Variants in EIF4ENIF1 observed in about 807,000 individuals in gnomAD.
The protein encoded by EIF4ENIF1 is eukaryotic translation initiation factor 4E nuclear import factor 1.
Under a neutral mutation model 110.5 loss-of-function variants are expected in EIF4ENIF1, and 23 were observed. The observed-to-expected ratio is 0.21, with a 90% CI of 0.15 to 0.29. The LOEUF (loss-of-function observed/expected upper bound fraction) is 0.29. Among genes scored for constraint, EIF4ENIF1 ranks in the 10% least tolerant of loss-of-function variants. The probability of loss-of-function intolerance (pLI) is 1.00; values close to 1 mark genes in which losing one functional copy is unlikely to be tolerated. For missense variants in EIF4ENIF1, 1,031 were observed against 1,221.1 expected, an observed-to-expected ratio of 0.84 and a Z score of 2.32; for synonymous variants, 440 against 437.0, an observed-to-expected ratio of 1.01 and a Z score of -0.09.
At position 31,468,018 on chromosome 22, in the gene EIF4ENIF1, T is replaced by C. The variant is rs540372977; in HGVS notation, c.298+157A>G. Among the ~76,000 whole-genome samples, 9 of 152,314 alleles carry C rather than the reference T, an allele frequency of 5.9e-5. No homozygotes were observed. In the East Asian group the frequency reaches 1.3e-3, roughly 23 times the overall value. ...GCTGTGACAAAGTAGACTATGACTT[T>C]ACCCTGCTGATTAGGAAAAATCCAA... On this transcript the variant is annotated intron_variant, in intron 4 of 18. Transcript: ENST00000330125.
At position 31,454,270 on chromosome 22, in the gene EIF4ENIF1, T is replaced by C; in HGVS notation, c.1386A>G (p.Leu462=). The change falls in exon 10 of 19, where the codon CTA becomes CTG. Residue 462 remains leucine (L), a synonymous_variant. Coordinates refer to ENST00000330125, the MANE Select transcript of EIF4ENIF1 (RefSeq NM_019843.4). The stretch of plus-strand genomic sequence containing the variant: ...TGGTTACGGCACTCAAGGTCTCTTC[T>C]AGGTGTTCTGCCATGAAGGGAGTTG... ...KNSTPFMAEH[L]EETLSAVTNN... is the part of the protein sequence containing the mutation. The C allele has an allele frequency of 6.2e-7, 1 of 1,614,168 alleles. No homozygotes were observed.
chr22:31,468,450 A>T (rs1005207713), intron 3 of EIF4ENIF1, 148 bp from the exon 4 acceptor site: 1 of 1,134,212 alleles, frequency 8.8e-7, no homozygotes, highest in Non-Finnish European at 1.2e-6. Flanking sequence ...GATGGAGCGC[A>T]GTGGCGTGAT....
chr22:31,447,296 G>C, intron 14 of EIF4ENIF1, 130 bp downstream of exon 14: 1 of 1,069,632 alleles, frequency 9.3e-7, no homozygotes, highest in Non-Finnish European at 1.3e-6. Flanking sequence ...GATTTGGATT[G>C]GGATGGAATT....
At chr22:31,479,315 C>A (rs1382555662) in intron 2 of EIF4ENIF1, 1 of 152,076 alleles carries the variant, frequency 6.6e-6, no homozygotes, top group Non-Finnish European at 1.5e-5. Context: ...TTTGCCTCGG[C>A]CTCCCAAAGT....
intron 1 of EIF4ENIF1, chr22:31,489,018 A>G (rs2052153552): frequency 9.9e-6 from 3 of 302,774 alleles, no homozygotes; most frequent in Admixed American, 4.8e-5. Flanking sequence ...CACAAGAGAA[A>G]CCAAGATTAG....
chr22:31,489,617 G>A (rs1601672909), intron 1 of EIF4ENIF1, 77 bp downstream of exon 1: 1 of 134,504 alleles, frequency 7.4e-6, no homozygotes. Flanking sequence ...GGAGCAATGC[G>A]CCCGCGCCCC....
chr22:31,492,736 A>T (rs569954489), upstream of EIF4ENIF1, among the ~76,000 whole-genome samples: 12 of 152,076 alleles, frequency 7.9e-5, no homozygotes, highest in South Asian at 2.3e-3. Flanking sequence ...TTTTATTTTT[A>T]TTTTTTATTT....
At chr22:31,455,759 C>A (rs768427361) in intron 8 of EIF4ENIF1, 93 bp downstream of exon 8, 1 of 1,522,580 alleles carries the variant, frequency 6.6e-7, no homozygotes, top group South Asian at 1.2e-5. Context: ...GACCCTTTGA[C>A]CCTAATTGAC....
chr22:31,466,128 T>G (rs1040257984), intron 4 of EIF4ENIF1, among the ~76,000 whole-genome samples: 3 of 151,986 alleles, frequency 2.0e-5, no homozygotes, highest in African/African-American at 7.2e-5. Flanking sequence ...ATACAAAAAT[T>G]GGGGCCAGGC....
chr22:31,486,441 G>A (rs1453437450), intron 2 of EIF4ENIF1, among the ~76,000 whole-genome samples: 2 of 151,604 alleles, frequency 1.3e-5, no homozygotes, highest in Non-Finnish European at 1.5e-5. Flanking sequence ...TCCAGCCTGG[G>A]CGACACAGTG....
intron 7 of EIF4ENIF1, among the ~76,000 whole-genome samples, chr22:31,456,362 T>A (rs908360823): frequency 4.6e-5 from 7 of 151,822 alleles, no homozygotes; most frequent in Middle Eastern, 3.2e-3. Flanking sequence ...TAGCTGGGAC[T>A]ACAGGCGCCT....
intron 4 of EIF4ENIF1, among the ~76,000 whole-genome samples, chr22:31,464,699 A>AAAAAAAATATAT (rs1304121964): frequency 5.1e-5 from 2 of 39,136 alleles, no homozygotes; most frequent in Non-Finnish European, 1.0e-4. Context: ...AAAAAAAAAA[A>AAAAAAAATATAT]ATATATATAT....
rs747984791 is a variant in EIF4ENIF1, at chr22:31,463,876, A to C, written c.390T>G (p.Ala130=). Residue 130 remains alanine, a synonymous_variant, in exon 5 of 19, where the codon GCT becomes GCG. Transcript: ENST00000330125. Reference sequence around the variant, plus strand: ...GACTTCCTGAGCGCCGGGAGCTAACAGCGGCTGTCACGTGGCAGCCCCCTC... The same window carrying C: ...GACTTCCTGAGCGCCGGGAGCTAACCGCGGCTGTCACGTGGCAGCCCCCTC... ...SFGGGCHVTA[A]VSSRRSGSPL... is the part of the protein sequence containing the mutation. The C allele has an allele frequency of 6.2e-7, 1 of 1,614,154 alleles. No individual in the cohort carries two copies.
intron 7 of EIF4ENIF1, among the ~76,000 whole-genome samples, chr22:31,456,664 G>A (rs1013997212): frequency 4.6e-5 from 7 of 152,092 alleles, no homozygotes; most frequent in Non-Finnish European, 8.8e-5. Context: ...ACAGGCATAC[G>A]CCACCATATG....
chr22:31,486,008 G>C lies in EIF4ENIF1; in HGVS notation c.96+2615C>G, dbSNP rs537237766. Among the ~76,000 whole-genome samples the C allele has an allele frequency of 1.6e-4, 24 of 150,082 alleles. 1 individual carries two copies. In the South Asian group the frequency reaches 4.9e-3, roughly 30 times the overall value. ...ACACCTATAATTCCAGCATTTTGGG[G>C]GGCCGAGGCGGGTGGATCACCTGAG... On this transcript the variant is annotated intron_variant, in intron 2 of 18. Coordinates refer to ENST00000330125, the MANE Select transcript of EIF4ENIF1 (RefSeq NM_019843.4).
Position 31,477,371 on chromosome 22 carries a change from AAAACAAAAAAAAC to A in EIF4ENIF1, c.97-5467_97-5455del, listed in dbSNP as rs1462267046. ...ACCTCTGTCTCCAAAAAAAAAAAAA[AAAACAAAAAAAAC>A]AAAAAAAGAGAATTTGAAATTGAGA... On this transcript the variant is annotated intron_variant, in intron 2 of 18. Coordinates refer to ENST00000330125, the MANE Select transcript of EIF4ENIF1 (RefSeq NM_019843.4). Among the ~76,000 whole-genome samples, 11 of 83,854 alleles carry A rather than the reference AAAACAAAAAAAAC, an allele frequency of 1.3e-4. 1 individual carries two copies. The highest frequency in any genetic ancestry group is 5.0e-4 in the African/African-American group (9 of 18,102). The allele number at this position is 83,854 out of a possible 152,430, so 55.0% of individuals were successfully genotyped here.
intron 6 of EIF4ENIF1, among the ~76,000 whole-genome samples, chr22:31,459,332 C>T (rs1299732955): frequency 6.6e-6 from 1 of 152,084 alleles, no homozygotes; most frequent in African/African-American, 2.4e-5. Context: ...TGCTTCTGCC[C>T]ATGCACCTGT....
At chr22:31,474,451 T>C (rs1398160993) in intron 2 of EIF4ENIF1, among the ~76,000 whole-genome samples, 1 of 152,084 alleles carries the variant, frequency 6.6e-6, no homozygotes, top group Non-Finnish European at 1.5e-5. Flanking sequence ...TGGGTGCCTC[T>C]TCAAACTGGC....
chr22:31,441,800 T>G lies in EIF4ENIF1; in HGVS notation c.2525A>C (p.Gln842Pro), dbSNP rs754852735. The G allele has an allele frequency of 2.5e-6, 4 of 1,612,770 alleles. No homozygotes were observed. In the East Asian group the frequency reaches 8.9e-5, roughly 36 times the overall value. ...AGTTTGGAGCAAACTTGGAAGATGC[T>G]GTGGATGTACTCCCTGGGCCAGCAT... ...QRMLAQGVHP[Q>P]HLPSLLQTGV... The change falls in exon 17 of 19, where the codon CAG becomes CCG. Residue 842 changes from glutamine (Q) to proline (P), a missense_variant. Physicochemically the swap from Gln to Pro is moderately conservative, Grantham distance 76. Around this residue, in one of 3 missense-constraint regions of EIF4ENIF1, gnomAD observed 309 missense variants for 299.1 expected, o/e 1.03. Coordinates refer to ENST00000330125, the MANE Select transcript of EIF4ENIF1 (RefSeq NM_019843.4).
Sources: allele counts gnomAD v4.1 joint callset (sites outside exome capture counted in the v4.1 genomes callset), GRCh38; gene constraint gnomAD v4.1.1; regional missense constraint gnomAD v4.1.1; transcripts MANE v1.5; gene names NCBI Gene and HGNC (gene_info 2026-07-23, HGNC 2026-07-21).